SNX24: variants seen among roughly 807,000 people sequenced by gnomAD.
SNX24 encodes sorting nexin-24.
A neutral mutation model predicts 28.7 loss-of-function variants in SNX24; 22 were observed. The ratio of observed to expected loss-of-function variants is 0.77; its 90% CI spans 0.55 to 1.10. SNX24 has a LOEUF of 1.10. Among genes scored for constraint, SNX24 ranks in the 50% least tolerant of loss-of-function variants. The pLI, the probability that SNX24 is intolerant of heterozygous loss-of-function variation, is 0.00. For missense variants in SNX24, 221 were observed against 201.1 expected, an observed-to-expected ratio of 1.10 and a Z score of -0.60; for synonymous variants, 69 against 71.5, an observed-to-expected ratio of 0.96 and a Z score of 0.18.
chr5:122,926,974 C>T (rs1758727146), intron 1 of SNX24, among the ~76,000 whole-genome samples: 1 of 152,208 alleles, frequency 6.6e-6, no homozygotes, highest in Admixed American at 6.5e-5. Context: ...ATCATTTTCC[C>T]TACCTATCAA....
intron 1 of SNX24, among the ~76,000 whole-genome samples, chr5:122,895,008 CT>C (rs11292012): frequency 0.8 from 114,896 of 144,444 alleles, 46,071 homozygotes; most frequent in East Asian, 0.98. Flanking sequence ...TTTAACAGTA[CT>C]TTTTTTTTTT....
At chr5:123,003,464 A>T (rs192308492) in intron 6 of SNX24, among the ~76,000 whole-genome samples, 28 of 150,742 alleles carry the variant, frequency 1.9e-4, no homozygotes, top group Non-Finnish European at 3.0e-5. Flanking sequence ...ATAGTTTTAT[A>T]AATTATTCTT....
At chr5:122,966,349 A>G (rs138971866) in intron 3 of SNX24, among the ~76,000 whole-genome samples, 1 of 152,290 alleles carries the variant, frequency 6.6e-6, no homozygotes, top group African/African-American at 2.4e-5. Flanking sequence ...TACATGTGCC[A>G]TGTTGGTTGA....
intron 1 of SNX24, among the ~76,000 whole-genome samples, chr5:122,877,356 C>G (rs1448579687): frequency 6.6e-6 from 1 of 152,122 alleles, no homozygotes; most frequent in Non-Finnish European, 1.5e-5. Context: ...ATGAGGAAAC[C>G]AGGCTGATTG....
intron 3 of SNX24, among the ~76,000 whole-genome samples, chr5:122,971,550 G>A (rs897555984): frequency 2.6e-5 from 4 of 152,130 alleles, no homozygotes; most frequent in African/African-American, 9.7e-5. Flanking sequence ...TATGTGTAAC[G>A]TAATACAGCT....
At chr5:122,940,890 A>C (rs1395112439) in intron 2 of SNX24, among the ~76,000 whole-genome samples, 1 of 152,106 alleles carries the variant, frequency 6.6e-6, no homozygotes, top group African/African-American at 2.4e-5. Flanking sequence ...TTATTACCTG[A>C]CTGTAGCTGA....
intron 1 of SNX24, among the ~76,000 whole-genome samples, chr5:122,872,275 A>C (rs1438272519): frequency 1.3e-5 from 2 of 151,934 alleles, no homozygotes; most frequent in African/African-American, 4.8e-5. Flanking sequence ...TTTAAGAACA[A>C]ATGAATAATG....
chr5:122,901,216 AG>A (rs1306631736), intron 1 of SNX24, among the ~76,000 whole-genome samples: 33 of 151,722 alleles, frequency 2.2e-4, no homozygotes, highest in Non-Finnish European at 3.5e-4. Flanking sequence ...AAAAAAAAAA[AG>A]CAAAATATTG....
intron 3 of SNX24, among the ~76,000 whole-genome samples, chr5:122,995,570 A>G (rs1321603905): frequency 6.6e-6 from 1 of 152,168 alleles, no homozygotes; most frequent in African/African-American, 2.4e-5. Context: ...CAGACCTACA[A>G]TTTGAGACCC....
At chr5:122,910,036 A>G (rs1252074604) in intron 1 of SNX24, among the ~76,000 whole-genome samples, 1 of 152,250 alleles carries the variant, frequency 6.6e-6, no homozygotes, top group African/African-American at 2.4e-5. Context: ...AGTTTATTCT[A>G]TAAATAGTGA....
intron 1 of SNX24, among the ~76,000 whole-genome samples, chr5:122,886,976 AAG>A (rs1756746835): frequency 6.6e-6 from 1 of 152,208 alleles, no homozygotes; most frequent in Non-Finnish European, 1.5e-5. Context: ...AATTTAAAAA[AAG>A]TTATTTTAAC....
At chr5:122,850,348 T>C (rs1754836029) in intron 1 of SNX24, among the ~76,000 whole-genome samples, 4 of 152,182 alleles carry the variant, frequency 2.6e-5, no homozygotes. Flanking sequence ...ATCCCAGTTA[T>C]GAGGGCTCTG....
intron 1 of SNX24, among the ~76,000 whole-genome samples, chr5:122,935,791 A>G (rs1759155768): frequency 6.6e-6 from 1 of 152,212 alleles, no homozygotes; most frequent in Non-Finnish European, 1.5e-5. Context: ...TTTTAGTGTC[A>G]TGTGATCTCT....
chr5:122,956,389 C>T (rs1390583304), intron 3 of SNX24, among the ~76,000 whole-genome samples: 1 of 150,764 alleles, frequency 6.6e-6, no homozygotes, highest in African/African-American at 2.4e-5. Flanking sequence ...CACACACACA[C>T]ACACACACAC....
chr5:122,900,658 G>C (rs1169228323), intron 1 of SNX24, among the ~76,000 whole-genome samples: 1 of 151,990 alleles, frequency 6.6e-6, no homozygotes, highest in Non-Finnish European at 1.5e-5. Flanking sequence ...AGTCCCAGCT[G>C]CTTGGGAGGC....
intron 1 of SNX24, among the ~76,000 whole-genome samples, chr5:122,911,220 T>G (rs1056488408): frequency 1.3e-5 from 2 of 149,984 alleles, no homozygotes; most frequent in African/African-American, 4.9e-5. Context: ...TGATGGCCAG[T>G]GATGATGAGC....
intron 3 of SNX24, among the ~76,000 whole-genome samples, chr5:122,953,653 A>C (rs1760066681): frequency 6.6e-6 from 1 of 152,204 alleles, no homozygotes; most frequent in South Asian, 2.1e-4. Flanking sequence ...AACTGGCGTA[A>C]TATTTAGACA....
intron 3 of SNX24, among the ~76,000 whole-genome samples, chr5:122,975,933 C>G (rs1246509561): frequency 6.6e-6 from 1 of 152,156 alleles, no homozygotes. Context: ...AATTCCCTCT[C>G]TATGAATCTG....
chr5:123,026,869 T>C (rs1222186805), intron 5 of SNX24, among the ~76,000 whole-genome samples: 2 of 152,148 alleles, frequency 1.3e-5, no homozygotes, highest in Non-Finnish European at 2.9e-5. Context: ...TATCTATCAG[T>C]TGCCAACTTC....
Sources: allele counts gnomAD v4.1 joint callset (sites outside exome capture counted in the v4.1 genomes callset), GRCh38; gene constraint gnomAD v4.1.1; transcripts MANE v1.5; gene names NCBI Gene and HGNC (gene_info 2026-07-23, HGNC 2026-07-21).